UNC13C: variants seen among roughly 807,000 people sequenced by gnomAD.
UNC13C encodes unc-13 homolog C.
Under a neutral mutation model 245.4 loss-of-function variants are expected in UNC13C, and 174 were observed. That is an observed-to-expected ratio of 0.71 (90% CI 0.63 to 0.80). UNC13C has a LOEUF of 0.80. UNC13C is among the 30% of genes least tolerant of loss of function. UNC13C has a pLI of 0.00. For missense variants in UNC13C, 2,829 were observed against 2,602.9 expected, an observed-to-expected ratio of 1.09 and a Z score of -1.89; for synonymous variants, 992 against 895.1, an observed-to-expected ratio of 1.11 and a Z score of -1.93.
chr15:54,362,102 TGCTGATTAGAGGGAAGAATA>T (rs1235034820), intron 17 of UNC13C, among the ~76,000 whole-genome samples: 1 of 152,210 alleles, frequency 6.6e-6, no homozygotes, highest in Non-Finnish European at 1.5e-5. Context: ...GTGGCATCCA[TGCTGATTAGAGGGAAGAATA>T]GCTGCCAAGA....
intron 4 of UNC13C, among the ~76,000 whole-genome samples, chr15:54,201,747 C>T (rs1251619938): frequency 6.6e-6 from 1 of 151,954 alleles, no homozygotes; most frequent in South Asian, 2.1e-4. Flanking sequence ...CCCCTGAGAA[C>T]TGGAACAAGT....
At chr15:54,600,694 T>TACAA (rs1412751407) in intron 30 of UNC13C, among the ~76,000 whole-genome samples, 1 of 152,156 alleles carries the variant, frequency 6.6e-6, no homozygotes, top group African/African-American at 2.4e-5. Flanking sequence ...TTTATCTTTC[T>TACAA]TATACAAAAT....
At chr15:54,122,336 TTTAG>T (rs1319742386) in intron 2 of UNC13C, among the ~76,000 whole-genome samples, 2 of 152,066 alleles carry the variant, frequency 1.3e-5, no homozygotes, top group Admixed American at 6.6e-5. Flanking sequence ...GTTTTGGTTC[TTTAG>T]TTAGTTTTTG....
chr15:54,582,556 G>A lies in UNC13C; in HGVS notation c.6106+14609G>A, dbSNP rs968520381. 2.6e-5 allele frequency among the ~76,000 whole-genome samples: 4 copies of A among 152,132 alleles called. No homozygotes were observed. In the East Asian group the frequency reaches 7.7e-4, roughly 29 times the overall value. On this transcript the variant is annotated intron_variant, in intron 30 of 32. Coordinates refer to ENST00000260323, the MANE Select transcript of UNC13C (RefSeq NM_001080534.3). The stretch of plus-strand genomic sequence containing the variant: ...AGAGAAAGCCACTATTTCAAGGAAA[G>A]CAAAGGCCCAGAATGAGGGTGAAGA...
intron 19 of UNC13C, among the ~76,000 whole-genome samples, chr15:54,439,551 T>A (rs1176714812): frequency 6.6e-6 from 1 of 151,980 alleles, no homozygotes; most frequent in Non-Finnish European, 1.5e-5. Context: ...TACATAAGCA[T>A]ACAAAATTTT....
intron 2 of UNC13C, among the ~76,000 whole-genome samples, chr15:54,115,273 A>G (rs1451828411): frequency 6.6e-6 from 1 of 152,072 alleles, no homozygotes; most frequent in Non-Finnish European, 1.5e-5. Flanking sequence ...ATGTACAAAA[A>G]TGTATTTGGG....
intron 17 of UNC13C, among the ~76,000 whole-genome samples, chr15:54,357,215 T>C (rs1034958815): frequency 6.6e-6 from 1 of 152,084 alleles, no homozygotes; most frequent in African/African-American, 2.4e-5. Context: ...CACCTGGAAT[T>C]TATTTTTATA....
intron 19 of UNC13C, among the ~76,000 whole-genome samples, chr15:54,434,029 C>A (rs2040928426): frequency 6.6e-6 from 1 of 151,750 alleles, no homozygotes; most frequent in South Asian, 2.1e-4. Flanking sequence ...ATACAAGGGA[C>A]ATGAAGGACC....
intron 5 of UNC13C, among the ~76,000 whole-genome samples, chr15:54,235,469 ACTT>A (rs1341073531): frequency 1.3e-5 from 2 of 150,932 alleles, no homozygotes; most frequent in African/African-American, 4.9e-5. Context: ...CTTTATTTAA[ACTT>A]CTTCACCTTA....
intron 1 of UNC13C, among the ~76,000 whole-genome samples, chr15:53,980,414 A>C (rs1297149993): frequency 6.6e-6 from 1 of 152,204 alleles, no homozygotes; most frequent in Non-Finnish European, 1.5e-5. Flanking sequence ...TTCTATGTTG[A>C]CATCTTGTAT....
the UNC13C span, among the ~76,000 whole-genome samples, chr15:53,957,477 C>A: frequency 3.3e-5 from 5 of 152,082 alleles, no homozygotes; most frequent in Admixed American, 3.3e-4. Context: ...GCAGTGGTTC[C>A]ATTTCTTTTG....
chr15:54,395,921 A>G (rs2040060227), intron 18 of UNC13C, among the ~76,000 whole-genome samples: 1 of 151,758 alleles, frequency 6.6e-6, no homozygotes, highest in Non-Finnish European at 1.5e-5. Flanking sequence ...TGATTTATTA[A>G]TGAACTACAG....
intron 14 of UNC13C, among the ~76,000 whole-genome samples, chr15:54,329,545 G>C (rs1326021202): frequency 6.6e-6 from 1 of 151,986 alleles, no homozygotes; most frequent in East Asian, 1.9e-4. Flanking sequence ...TAATCACCCA[G>C]TCTTTCGTTA....
chr15:54,001,704 G>A (rs1894896060), intron 1 of UNC13C, among the ~76,000 whole-genome samples: 1 of 152,196 alleles, frequency 6.6e-6, no homozygotes, highest in African/African-American at 2.4e-5. Context: ...ATATGAGGAA[G>A]GTGGTACCAT....
At chr15:54,575,516 T>G (rs1488967558) in intron 30 of UNC13C, among the ~76,000 whole-genome samples, 1 of 151,402 alleles carries the variant, frequency 6.6e-6, no homozygotes, top group African/African-American at 2.4e-5. Flanking sequence ...TTCTTATCAG[T>G]AATGCAGAAG....
intron 18 of UNC13C, among the ~76,000 whole-genome samples, chr15:54,403,784 T>C (rs2040237763): frequency 6.7e-6 from 1 of 149,962 alleles, no homozygotes; most frequent in Admixed American, 6.7e-5. Context: ...ATGTTAAAAT[T>C]AAGTATATAC....
At chr15:54,408,199 C>CAAAAAAAAAAAAAAAAAAAAAAAAAAAA (rs71105808) in intron 18 of UNC13C, among the ~76,000 whole-genome samples, 2 of 29,130 alleles carry the variant, frequency 6.9e-5, no homozygotes, top group African/African-American at 1.8e-4. Flanking sequence ...GACTCTGCCT[C>CAAAAAAAAAAAAAAAAAAAAAAAAAAAA]AAAAAAAAAA....
the UNC13C span, among the ~76,000 whole-genome samples, chr15:53,915,061 T>C: frequency 6.6e-6 from 1 of 152,156 alleles, no homozygotes; most frequent in Non-Finnish European, 1.5e-5. Flanking sequence ...AAAGAGAACA[T>C]GAGTTGACTC....
the UNC13C span, among the ~76,000 whole-genome samples, chr15:53,905,101 A>G: frequency 3.3e-5 from 5 of 152,174 alleles, no homozygotes; most frequent in Non-Finnish European, 5.9e-5. Flanking sequence ...TTTAGGTTTT[A>G]AAATATAGAA....
Sources: allele counts gnomAD v4.1 joint callset (sites outside exome capture counted in the v4.1 genomes callset), GRCh38; gene constraint gnomAD v4.1.1; transcripts MANE v1.5; gene names NCBI Gene and HGNC (gene_info 2026-07-23, HGNC 2026-07-21).